Variants in PRKCA observed in about 807,000 individuals in gnomAD.
PRKCA encodes protein kinase C alpha.
A neutral mutation model predicts 87.0 loss-of-function variants in PRKCA; 27 were observed. The observed-to-expected ratio is 0.31, with a 90% CI of 0.23 to 0.43. The LOEUF is 0.43. Among genes scored for constraint, PRKCA ranks in the 20% least tolerant of loss-of-function variants. The pLI is 1.00. For missense variants in PRKCA, 518 were observed against 852.3 expected (o/e 0.61, Z 4.88); for synonymous variants, 329 against 311.1 (o/e 1.06, Z -0.61).
chr17:66,646,613 A>C (rs946918799), intron 5 of PRKCA, among the ~76,000 whole-genome samples: 65 of 152,354 alleles, frequency 4.3e-4, no homozygotes, highest in African/African-American at 1.4e-3. Flanking sequence ...GGTTTAGATA[A>C]CAGAAAACAT....
At chr17:66,454,635 A>C (rs1056949959) in intron 2 of PRKCA, among the ~76,000 whole-genome samples, 1 of 152,226 alleles carries the variant, frequency 6.6e-6, no homozygotes, top group Non-Finnish European at 1.5e-5. Context: ...AGACAAGAGT[A>C]AGAGCCAAGC....
intron 2 of PRKCA, among the ~76,000 whole-genome samples, chr17:66,370,197 G>T (rs1325766645): frequency 6.7e-6 from 1 of 148,502 alleles, no homozygotes; most frequent in Non-Finnish European, 1.5e-5. Context: ...TAATTATATT[G>T]AATGAAGCGA....
rs878992097 is a variant in PRKCA at position 66,688,978 on chromosome 17, T to C, written c.849T>C (p.Gly283=). The change falls in exon 8 of 17, where the codon GGT becomes GGC. Residue 283 remains glycine (G), a synonymous_variant. Coordinates refer to ENST00000413366, the MANE Select transcript of PRKCA (RefSeq NM_002737.3). ...GWYKLLNQEE[G]EYYNVPIPEG... ...ACAAGTTGCTTAACCAAGAAGAAGG[T>C]GAGTACTACAACGTACCCATTCCGG... 6.2e-7 allele frequency: 1 copy of C among 1,607,808 alleles called. No homozygotes were observed. The highest frequency in any genetic ancestry group is 1.3e-5 in the African/African-American group (1 of 74,624).
intron 2 of PRKCA, among the ~76,000 whole-genome samples, chr17:66,339,314 A>G (rs1467001959): frequency 6.6e-6 from 1 of 152,200 alleles, no homozygotes; most frequent in East Asian, 1.9e-4. Flanking sequence ...TAGTTAATCT[A>G]TCTTTCTTTT....
intron 5 of PRKCA, among the ~76,000 whole-genome samples, chr17:66,668,779 G>A (rs1350913825): frequency 1.3e-5 from 2 of 152,162 alleles, no homozygotes; most frequent in Non-Finnish European, 2.9e-5. Flanking sequence ...TTACAGAAGA[G>A]TATTTGAGAA....
intron 2 of PRKCA, among the ~76,000 whole-genome samples, chr17:66,344,650 A>T (rs993871795): frequency 1.6e-4 from 25 of 152,232 alleles, no homozygotes; most frequent in African/African-American, 6.0e-4. Context: ...ATGTAAGTAA[A>T]TGGTAGCTAG....
At chr17:66,780,565 A>G (rs1174201858) in intron 14 of PRKCA, among the ~76,000 whole-genome samples, 1 of 151,746 alleles carries the variant, frequency 6.6e-6, no homozygotes, top group Non-Finnish European at 1.5e-5. Context: ...AATCCCAGCT[A>G]CTCAGGAGGC....
chr17:66,635,303 G>A (rs1971122074), intron 3 of PRKCA, among the ~76,000 whole-genome samples: 1 of 152,132 alleles, frequency 6.6e-6, no homozygotes, highest in African/African-American at 2.4e-5. Context: ...CCTACTCTTG[G>A]GCCAGTGGGG....
intron 2 of PRKCA, among the ~76,000 whole-genome samples, chr17:66,366,667 A>G (rs1908747428): frequency 6.6e-6 from 1 of 152,254 alleles, no homozygotes; most frequent in Admixed American, 6.5e-5. Context: ...GGCCAGCTGC[A>G]TAATGGGTAG....
At chr17:66,630,595 C>G (rs1970984116) in intron 3 of PRKCA, among the ~76,000 whole-genome samples, 1 of 152,232 alleles carries the variant, frequency 6.6e-6, no homozygotes, top group East Asian at 1.9e-4. Context: ...GTTCCTTCAT[C>G]TCTAGGTCCT....
rs74908649 is a variant in PRKCA at position 66,570,206 on chromosome 17, A to G, written c.289-71149A>G. On this transcript the variant is annotated intron_variant, in intron 3 of 16. Coordinates refer to ENST00000413366, the MANE Select transcript of PRKCA (RefSeq NM_002737.3). ...TCTCTAGTGCCTAGGGGTCAAGGTA[A>G]CCACATCTTGCTGGGGAGAAGAGTG... Among the ~76,000 whole-genome samples, 716 of 152,306 alleles carry G rather than the reference A, an allele frequency of 4.7e-3. 5 individuals are homozygous for G. Among genetic ancestry groups the G allele is most frequent in the African/African-American group, 0.016 (649 of 41,566 alleles).
chr17:66,441,054 C>T (rs1281132362), intron 2 of PRKCA, among the ~76,000 whole-genome samples: 1 of 148,632 alleles, frequency 6.7e-6, no homozygotes, highest in Non-Finnish European at 1.5e-5. Flanking sequence ...CCCAGCTACT[C>T]AAGAGGCTGA....
At chr17:66,750,223 C>A (rs942495445) in intron 13 of PRKCA, among the ~76,000 whole-genome samples, 1 of 151,834 alleles carries the variant, frequency 6.6e-6, no homozygotes, top group Non-Finnish European at 1.5e-5. Context: ...GGCCCCGCAC[C>A]AGCCCAGCAT....
chr17:66,564,825 C>T (rs536853915), intron 3 of PRKCA, among the ~76,000 whole-genome samples: 2 of 152,178 alleles, frequency 1.3e-5, no homozygotes, highest in African/African-American at 2.4e-5. Context: ...ACTAAAAATA[C>T]AAAAATTAGC....
chr17:66,455,220 T>C (rs1314007220), intron 2 of PRKCA, among the ~76,000 whole-genome samples: 2 of 152,204 alleles, frequency 1.3e-5, no homozygotes, highest in African/African-American at 2.4e-5. Context: ...TATTTGGCAA[T>C]ACATGACCGA....
At chr17:66,380,162 G>A (rs11658459) in intron 2 of PRKCA, among the ~76,000 whole-genome samples, 42,166 of 146,388 alleles carry the variant, frequency 0.29, 7,316 homozygotes, top group East Asian at 0.46. Flanking sequence ...AATTTGAGAA[G>A]CACATAAGCA....
chr17:66,707,488 G>A (rs983463138), intron 8 of PRKCA, among the ~76,000 whole-genome samples: 1 of 152,178 alleles, frequency 6.6e-6, no homozygotes, highest in African/African-American at 2.4e-5. Context: ...CCATTTTAGA[G>A]CCACGAGAAC....
chr17:66,587,109 T>C (rs1485888551), intron 3 of PRKCA, among the ~76,000 whole-genome samples: 1 of 152,184 alleles, frequency 6.6e-6, no homozygotes, highest in East Asian at 1.9e-4. Flanking sequence ...TCTGGGGCCA[T>C]GGATGTTGAA....
At chr17:66,726,797 T>A (rs1315453686) in intron 8 of PRKCA, among the ~76,000 whole-genome samples, 1 of 151,706 alleles carries the variant, frequency 6.6e-6, no homozygotes, top group East Asian at 1.9e-4. Context: ...CGATCTTGGC[T>A]CACTGCAACC....
Sources: allele counts gnomAD v4.1 joint callset (sites outside exome capture counted in the v4.1 genomes callset), GRCh38; gene constraint gnomAD v4.1.1; transcripts MANE v1.5; gene names NCBI Gene and HGNC (gene_info 2026-07-23, HGNC 2026-07-21).